STON2: variants seen among roughly 807,000 people sequenced by gnomAD.
STON2 encodes stonin-2.
A neutral mutation model predicts 65.7 loss-of-function variants in STON2; 29 were observed. That is an observed-to-expected ratio of 0.44 (90% CI 0.33 to 0.60). The LOEUF (loss-of-function observed/expected upper bound fraction) is 0.60. STON2 is among the 20% of genes least tolerant of loss of function. STON2 has a pLI of 0.03. For synonymous variants in STON2, 404 were observed against 414.2 expected (o/e 0.98, Z 0.30); for missense variants, 1,054 against 1,118.1 (o/e 0.94, Z 0.82).
chr14:81,295,482 CT>C (rs1566894387), intron 5 of STON2, among the ~76,000 whole-genome samples: 1 of 152,170 alleles, frequency 6.6e-6, no homozygotes, highest in Non-Finnish European at 1.5e-5. Flanking sequence ...GAGGTCATGG[CT>C]TTTTCAACGA....
intron 4 of STON2, among the ~76,000 whole-genome samples, chr14:81,343,363 A>C (rs955016031): frequency 3.9e-5 from 6 of 152,152 alleles, no homozygotes; most frequent in African/African-American, 1.2e-4. Flanking sequence ...TTGTACAAAC[A>C]AATCAGTCCT....
intron 1 of STON2, among the ~76,000 whole-genome samples, chr14:81,431,135 T>C (rs950597885): frequency 6.6e-6 from 1 of 152,148 alleles, no homozygotes; most frequent in Non-Finnish European, 1.5e-5. Flanking sequence ...GCTTCAGGCC[T>C]CCAGGACAGA....
At chr14:81,407,030 T>C (rs550331343) in intron 2 of STON2, among the ~76,000 whole-genome samples, 9 of 152,286 alleles carry the variant, frequency 5.9e-5, no homozygotes, top group Admixed American at 2.6e-4. Context: ...CACACTGCAG[T>C]CACGAAACTC....
At chr14:81,356,266 CAT>C (rs1343831178) in intron 4 of STON2, among the ~76,000 whole-genome samples, 5 of 152,070 alleles carry the variant, frequency 3.3e-5, no homozygotes, top group African/African-American at 1.2e-4. Flanking sequence ...TTGAGATAAT[CAT>C]GTGGTTTTTG....
At chr14:81,435,128 C>T (rs1365100391) in intron 1 of STON2, among the ~76,000 whole-genome samples, 2 of 152,164 alleles carry the variant, frequency 1.3e-5, no homozygotes, top group Non-Finnish European at 2.9e-5. Flanking sequence ...CCAATTTTTT[C>T]AAAGGTCACA....
chr14:81,342,858 G>A (rs1205478789), intron 4 of STON2, among the ~76,000 whole-genome samples: 2 of 152,128 alleles, frequency 1.3e-5, no homozygotes, highest in East Asian at 3.9e-4. Context: ...AGTAATGGGT[G>A]GTTTTGACAG....
chr14:81,347,902 C>CAAAAAAAAA (rs755109204), intron 4 of STON2, among the ~76,000 whole-genome samples: 169 of 51,308 alleles, frequency 3.3e-3, no homozygotes, highest in Non-Finnish European at 3.7e-3. Context: ...TGTCTCTTAC[C>CAAAAAAAAA]AAAAAAAAAA....
intron 5 of STON2, among the ~76,000 whole-genome samples, chr14:81,320,547 CA>C (rs1158139960): frequency 6.7e-6 from 1 of 149,096 alleles, no homozygotes; most frequent in Non-Finnish European, 1.5e-5. Flanking sequence ...TCAAAAATTA[CA>C]AAGTCCACAC....
Position 81,276,940 on chromosome 14 carries a change from T to C in STON2, c.2542A>G (p.Ile848Val), listed in dbSNP as rs199521890. The C allele has an allele frequency of 1.2e-6, 2 of 1,614,056 alleles. No homozygotes were observed. Among genetic ancestry groups the C allele is most frequent in the Non-Finnish European group, 1.7e-6 (2 of 1,179,970 alleles). The change falls in exon 6 of 8, where the codon ATT becomes GTT. Residue 848 changes from isoleucine to valine, a missense_variant. Transcript: ENST00000614646. ...TAKYEHAFNS[I>V]VWRINRLPDK... The stretch of plus-strand genomic sequence containing the variant: ...GGCAGTCGGTTTATCCTCCACACAA[T>C]GGAGTTGAAGGCATGCTCGTACTTG...
At chr14:81,395,767 C>T (rs1321356911) in intron 3 of STON2, 127 bp downstream of exon 3, 8 of 920,954 alleles carry the variant, frequency 8.7e-6, no homozygotes, top group Non-Finnish European at 1.4e-5. Flanking sequence ...GTCTGCTCTC[C>T]CCTATGCGAC....
At chr14:81,336,557 T>C (rs1334747045) in intron 4 of STON2, among the ~76,000 whole-genome samples, 3 of 151,664 alleles carry the variant, frequency 2.0e-5, no homozygotes, top group Admixed American at 6.6e-5. Flanking sequence ...TGGAGGGTGG[T>C]AGAAGTGGAC....
chr14:81,365,500 A>C (rs1363742159), intron 4 of STON2, among the ~76,000 whole-genome samples: 4 of 152,192 alleles, frequency 2.6e-5, no homozygotes, highest in African/African-American at 9.6e-5. Flanking sequence ...TCATGCCTTT[A>C]ATCTCAGCAC....
intron 2 of STON2, among the ~76,000 whole-genome samples, chr14:81,408,769 C>T (rs1901002184): frequency 6.6e-6 from 1 of 152,190 alleles, no homozygotes; most frequent in Non-Finnish European, 1.5e-5. Flanking sequence ...ACTGGTTAGG[C>T]ATTGCCTCTG....
rs571297515 is a variant in STON2, at chr14:81,267,777, G to C, written c.*637C>G. 1.0e-6 allele frequency: 1 copy of C among 985,294 alleles called. No individual in the cohort carries two copies. Among genetic ancestry groups the C allele is most frequent in the South Asian group, 4.7e-5 (1 of 21,286 alleles). 61.0% of individuals were successfully genotyped at this position (985,294 alleles called of 1,614,324 possible). ...CCATTGTCTATTGTGACTCAGGATAGCAAATCCTGTGACTGAAACCTTAGA... is the reference window on the plus strand; with the variant it reads ...CCATTGTCTATTGTGACTCAGGATACCAAATCCTGTGACTGAAACCTTAGA... On this transcript the variant is annotated 3_prime_UTR_variant, in exon 8 of 8. Coordinates refer to ENST00000614646, the MANE Select transcript of STON2 (RefSeq NM_001394390.1).
At chr14:81,298,424 G>GCA (rs200117715) in intron 5 of STON2, among the ~76,000 whole-genome samples, 1 of 145,630 alleles carries the variant, frequency 6.9e-6, no homozygotes. Context: ...TGGGGGGGGG[G>GCA]AATCACAGAA....
At chr14:81,420,147 C>A (rs959955500) in intron 2 of STON2, among the ~76,000 whole-genome samples, 4 of 152,182 alleles carry the variant, frequency 2.6e-5, no homozygotes, top group African/African-American at 9.7e-5. Context: ...TCATCTGGGT[C>A]CTGAAGTAGT....
intron 2 of STON2, among the ~76,000 whole-genome samples, chr14:81,421,401 C>T (rs1901697660): frequency 6.6e-6 from 1 of 152,120 alleles, no homozygotes; most frequent in Non-Finnish European, 1.5e-5. Context: ...CAATGGAGAT[C>T]GATTAAACAA....
chr14:81,278,569 T>C lies in STON2; in HGVS notation c.913A>G (p.Thr305Ala). ...NEVSCPLPPV[T>A]SPLKPNTPPS... ...GGTGTATTTGGCTTCAGAGGAGAGG[T>C]GACTGGTGGTAAAGGGCAGCTGACT... Residue 305 changes from threonine (T) to alanine (A), a missense_variant, in exon 6 of 8, where the codon ACC (threonine) becomes GCC (alanine). Transcript: ENST00000614646. 6.2e-7 allele frequency: 1 copy of C among 1,608,796 alleles called. No homozygotes were observed. Among genetic ancestry groups the C allele is most frequent in the Non-Finnish European group, 8.5e-7 (1 of 1,176,904 alleles).
At chr14:81,350,779 T>C (rs111816542) in intron 4 of STON2, among the ~76,000 whole-genome samples, 1 of 152,200 alleles carries the variant, frequency 6.6e-6, no homozygotes, top group Non-Finnish European at 1.5e-5. Context: ...TTGGGGTTAA[T>C]AAAGTAATAA....
Sources: gnomAD v4.1 joint callset for allele counts (sites outside exome capture counted in the v4.1 genomes callset) on GRCh38, gnomAD v4.1.1 for gene constraint, MANE v1.5 for transcripts, NCBI Gene and HGNC (gene_info 2026-07-23, HGNC 2026-07-21) for gene names.